Variants in VAMP7 observed in about 807,000 individuals in gnomAD.
VAMP7 encodes the protein vesicle associated membrane protein 7.
VAMP7 carries 14 observed loss-of-function variants against 29.6 expected under a neutral mutation model. The ratio of observed to expected loss-of-function variants is 0.47; its 90% confidence interval spans 0.31 to 0.74. The LOEUF (loss-of-function observed/expected upper bound fraction) is 0.74. Ranked by LOEUF, VAMP7 falls within the 30% of genes least tolerant of loss-of-function variation. The probability of loss-of-function intolerance (pLI) is 0.05; values close to 1 mark genes in which losing one functional copy is unlikely to be tolerated. For synonymous variants in VAMP7, 95 were observed against 88.1 expected, an observed-to-expected ratio of 1.08 and a Z score of -0.44; for missense variants, 223 against 262.4, an observed-to-expected ratio of 0.85 and a Z score of 1.04.
At chrX:155,935,208 G>A (rs1358458628) in intron 6 of VAMP7, among the ~76,000 whole-genome samples, 1 of 152,026 alleles carries the variant, frequency 6.6e-6, no homozygotes, top group East Asian at 1.9e-4. Context: ...GAGTATCTTT[G>A]TGGCGTTCTC....
intron 6 of VAMP7, among the ~76,000 whole-genome samples, chrX:155,937,170 A>G (rs766042200): frequency 1.3e-5 from 2 of 152,196 alleles, no homozygotes; most frequent in East Asian, 1.9e-4. Flanking sequence ...CTAGACACAG[A>G]TAGATAAATA....
intron 6 of VAMP7, among the ~76,000 whole-genome samples, chrX:155,927,690 G>A (rs1423020568): frequency 6.7e-6 from 1 of 148,880 alleles, no homozygotes; most frequent in Non-Finnish European, 1.5e-5. Flanking sequence ...CTAAGCTTTT[G>A]TCTGAAAATC....
chrX:155,888,463 T>C (rs1300642323), intron 1 of VAMP7, among the ~76,000 whole-genome samples: 2 of 152,158 alleles, frequency 1.3e-5, no homozygotes, highest in Non-Finnish European at 2.9e-5. Context: ...GAACCACTGG[T>C]ATGTTGGGTA....
At chrX:155,902,765 G>T (rs1370861022) in intron 5 of VAMP7, among the ~76,000 whole-genome samples, 1 of 149,860 alleles carries the variant, frequency 6.7e-6, no homozygotes, top group East Asian at 2.0e-4. Context: ...GCTGGATTCG[G>T]TTTGCCAGTA....
intron 5 of VAMP7, among the ~76,000 whole-genome samples, chrX:155,909,024 G>T (rs769905924): frequency 1.3e-5 from 2 of 152,128 alleles, no homozygotes; most frequent in East Asian, 3.9e-4. Flanking sequence ...ACAAGGTCTT[G>T]CCATGTTGCC....
At chrX:155,901,972 A>G (rs1398145846) in intron 5 of VAMP7, among the ~76,000 whole-genome samples, 1 of 152,018 alleles carries the variant, frequency 6.6e-6, no homozygotes, top group Non-Finnish European at 1.5e-5. Context: ...CAGTATGGCC[A>G]TTTTCATGAT....
chrX:155,894,886 G>A (rs2065967677), intron 2 of VAMP7, among the ~76,000 whole-genome samples: 1 of 152,090 alleles, frequency 6.6e-6, no homozygotes, highest in Non-Finnish European at 1.5e-5. Context: ...AAAGTGCTAG[G>A]ATTACAGGCA....
chrX:155,910,812 G>A (rs1357929857), intron 5 of VAMP7, among the ~76,000 whole-genome samples: 2 of 151,826 alleles, frequency 1.3e-5, no homozygotes, highest in African/African-American at 4.8e-5. Context: ...ATCTCCTGTT[G>A]AGTTCATTAT....
chrX:155,903,541 C>T (rs1331659126), intron 5 of VAMP7, among the ~76,000 whole-genome samples: 17 of 151,892 alleles, frequency 1.1e-4, no homozygotes, highest in East Asian at 3.9e-4. Context: ...AAAAAGTGGG[C>T]GAAGGACATG....
At chrX:155,919,960 C>A (rs1464128455) in intron 6 of VAMP7, 80 bp downstream of exon 6, 1 of 1,134,478 alleles carries the variant, frequency 8.8e-7, no homozygotes. Flanking sequence ...TTGGGAAATA[C>A]CTTAAATTCA....
At chrX:155,929,679 G>T (rs183907438) in intron 6 of VAMP7, among the ~76,000 whole-genome samples, 2 of 152,028 alleles carry the variant, frequency 1.3e-5, no homozygotes, top group Non-Finnish European at 2.9e-5. Flanking sequence ...TTCTTGTCCC[G>T]TGTTGGATGG....
chrX:155,911,650 T>C (rs2066239352), intron 5 of VAMP7, among the ~76,000 whole-genome samples: 1 of 152,160 alleles, frequency 6.6e-6, no homozygotes, highest in Non-Finnish European at 1.5e-5. Flanking sequence ...GTAGTTTTAC[T>C]TGTAGGAGTC....
intron 6 of VAMP7, among the ~76,000 whole-genome samples, chrX:155,924,291 T>C (rs991075816): frequency 1.1e-4 from 17 of 152,166 alleles, no homozygotes; most frequent in African/African-American, 3.9e-4. Flanking sequence ...GTAAAATATG[T>C]ATAGCATAAA....
intron 5 of VAMP7, among the ~76,000 whole-genome samples, chrX:155,909,897 G>C (rs1301834523): frequency 6.6e-6 from 1 of 152,052 alleles, no homozygotes; most frequent in Non-Finnish European, 1.5e-5. Context: ...GATCAAGTCA[G>C]GATATATGGG....
At chrX:155,916,788 A>G (rs899539276) in intron 5 of VAMP7, among the ~76,000 whole-genome samples, 1 of 151,698 alleles carries the variant, frequency 6.6e-6, no homozygotes. Context: ...TGCCCTTAAC[A>G]TTTTTTCCTG....
chrX:155,908,022 C>T (rs1049712920), intron 5 of VAMP7, among the ~76,000 whole-genome samples: 1 of 151,694 alleles, frequency 6.6e-6, no homozygotes, highest in Non-Finnish European at 1.5e-5. Flanking sequence ...AGAGACGCTC[C>T]TCACTTCCTA....
At chrX:155,892,775 G>A (rs957849810) in intron 2 of VAMP7, among the ~76,000 whole-genome samples, 9 of 149,544 alleles carry the variant, frequency 6.0e-5, no homozygotes, top group African/African-American at 2.0e-4. Context: ...TTATTGAGAC[G>A]AAGTTTCGCT....
intron 6 of VAMP7, among the ~76,000 whole-genome samples, chrX:155,934,644 C>A (rs1404736742): frequency 6.6e-6 from 1 of 152,112 alleles, no homozygotes; most frequent in Non-Finnish European, 1.5e-5. Context: ...TGGGTCTTTA[C>A]TCTTTATCTA....
intron 6 of VAMP7, among the ~76,000 whole-genome samples, chrX:155,927,139 A>G (rs1228382494): frequency 6.6e-6 from 1 of 152,012 alleles, no homozygotes; most frequent in African/African-American, 2.4e-5. Flanking sequence ...GTGCTGCCGC[A>G]TGTTCTCACT....
Sources: allele counts gnomAD v4.1 joint callset (sites outside exome capture counted in the v4.1 genomes callset), GRCh38; gene constraint gnomAD v4.1.1; transcripts MANE v1.5; gene names NCBI Gene and HGNC (gene_info 2026-07-23, HGNC 2026-07-21).